EPSTI1: variants seen among roughly 807,000 people sequenced by gnomAD.
EPSTI1 encodes epithelial stromal interaction 1, also known as epithelial-stromal interaction protein 1.
In EPSTI1, 66 loss-of-function variants were observed where a neutral mutation model predicts 49.9. The observed-to-expected ratio is 1.32, with a 90% CI of 1.08 to 1.62. The LOEUF (loss-of-function observed/expected upper bound fraction) is 1.62, where lower values mean the gene tolerates loss of function less well. Ranked by LOEUF, EPSTI1 falls within the 40% of genes most tolerant of loss-of-function variation. EPSTI1 has a pLI of 0.00. For missense variants in EPSTI1, 394 were observed against 365.5 expected (o/e 1.08, Z -0.64); for synonymous variants, 137 against 130.7 (o/e 1.05, Z -0.33).
chr13:42,918,905 A>T (rs563508495), intron 7 of EPSTI1, among the ~76,000 whole-genome samples: 1 of 152,250 alleles, frequency 6.6e-6, no homozygotes, highest in East Asian at 1.9e-4. Context: ...CTTTATCACA[A>T]ATATTCCATA....
intron 10 of EPSTI1, among the ~76,000 whole-genome samples, chr13:42,892,735 A>C (rs1255901987): frequency 6.6e-6 from 1 of 152,204 alleles, no homozygotes; most frequent in Non-Finnish European, 1.5e-5. Flanking sequence ...ATTTCATAAG[A>C]ATGAATGAGT....
chr13:42,920,116 C>A (rs1041737991), intron 7 of EPSTI1, among the ~76,000 whole-genome samples: 3 of 152,108 alleles, frequency 2.0e-5, no homozygotes, highest in Non-Finnish European at 4.4e-5. Context: ...ACTCTAGGAG[C>A]CTCATTTTAA....
At chr13:42,990,102 A>C (rs1283504062) in intron 1 of EPSTI1, among the ~76,000 whole-genome samples, 2 of 151,750 alleles carry the variant, frequency 1.3e-5, no homozygotes, top group African/African-American at 4.8e-5. Context: ...AAGTCATCCC[A>C]ACAGGATCTC....
At chr13:42,918,629 C>T (rs2037905392) in intron 7 of EPSTI1, among the ~76,000 whole-genome samples, 1 of 152,190 alleles carries the variant, frequency 6.6e-6, no homozygotes, top group African/African-American at 2.4e-5. Context: ...ATAAGAACCA[C>T]TTCCCAGAAA....
At chr13:42,978,139 C>T (rs969925190) in intron 1 of EPSTI1, among the ~76,000 whole-genome samples, 5 of 151,066 alleles carry the variant, frequency 3.3e-5, no homozygotes, top group African/African-American at 4.9e-5. Flanking sequence ...GGCCACAGAG[C>T]GAGACTCCAT....
chr13:42,963,150 A>C, intron 5 of EPSTI1, 105 bp downstream of exon 5: 1 of 901,706 alleles, frequency 1.1e-6, no homozygotes, highest in Non-Finnish European at 1.8e-6. Context: ...AAAGAGAGAG[A>C]GAGAGAAAGA....
rs143466397 is a variant in EPSTI1, at chr13:42,926,421, G to A, written c.572C>T (p.Ala191Val). Reference protein sequence around the residue: ...AFREHQQYKTAEFLSKLNTES... With the variant: ...AFREHQQYKTVEFLSKLNTES... ...TGTGTTCAGTTTGCTCAAGAACTCA[G>A]CGGTTTTGCTACCAGAAACACAAAC... Residue 191 changes from alanine to valine, a missense_variant, in exon 7 of 11, where the codon GCT becomes GTT. Transcript: ENST00000313624. 8.1e-6 allele frequency: 13 copies of A among 1,610,378 alleles called. No individual in the cohort carries two copies. In the African/African-American group the frequency reaches 9.4e-5, roughly 12 times the overall value.
At chr13:42,926,484 T>C (rs1566124285) in intron 6 of EPSTI1, 55 bp from the exon 7 acceptor site, 1 of 989,812 alleles carries the variant, frequency 1.0e-6, no homozygotes, top group Non-Finnish European at 1.6e-6. Context: ...AACATAATTC[T>C]TTATTTTTCC....
intron 7 of EPSTI1, among the ~76,000 whole-genome samples, chr13:42,920,392 T>C (rs2037958165): frequency 6.6e-6 from 1 of 151,840 alleles, no homozygotes; most frequent in South Asian, 2.1e-4. Context: ...GAAGACCAAG[T>C]AGATAAAGAA....
At chr13:42,942,023 T>C in intron 6 of EPSTI1, among the ~76,000 whole-genome samples, 1 of 152,194 alleles carries the variant, frequency 6.6e-6, no homozygotes, top group East Asian at 1.9e-4. Context: ...TTTTGTCATA[T>C]GTATTTCAAA....
At chr13:42,930,543 A>G (rs978409514) in intron 6 of EPSTI1, among the ~76,000 whole-genome samples, 8 of 152,260 alleles carry the variant, frequency 5.3e-5, no homozygotes, top group Non-Finnish European at 8.8e-5. Flanking sequence ...CAAGATTTAC[A>G]AAACAAAACA....
In EPSTI1 at chr13:42,888,380, G is replaced by A. The variant is rs767333325; in HGVS notation, c.*114C>T. On this transcript the variant is annotated 3_prime_UTR_variant, in exon 11 of 11. Coordinates refer to ENST00000313624, the MANE Select transcript of EPSTI1 (RefSeq NM_033255.5). ...CCTGACTGCACGGTCAAGTGTGTGG[G>A]CAGTTGAAATTAAGGTAAAAACAGT... 3 of 1,614,112 alleles carry A rather than the reference G, an allele frequency of 1.9e-6. No individual in the cohort carries two copies. The highest frequency in any genetic ancestry group is 1.6e-4 in the Middle Eastern group (1 of 6,062).
At chr13:42,958,792 G>GA (rs11440601) in intron 5 of EPSTI1, among the ~76,000 whole-genome samples, 109,404 of 151,432 alleles carry the variant, frequency 0.72, 40,566 homozygotes, top group Middle Eastern at 0.87. Flanking sequence ...ACAATGCAAA[G>GA]AAAAAAAATG....
intron 10 of EPSTI1, among the ~76,000 whole-genome samples, chr13:42,891,281 A>C (rs1358013820): frequency 2.0e-5 from 3 of 152,196 alleles, no homozygotes; most frequent in Admixed American, 6.5e-5. Flanking sequence ...TAATCAGAAA[A>C]ACTTTCTAGA....
chr13:42,974,992 A>G (rs1004399446), intron 1 of EPSTI1, among the ~76,000 whole-genome samples: 1 of 152,212 alleles, frequency 6.6e-6, no homozygotes, highest in African/African-American at 2.4e-5. Context: ...TAAAGTCTAC[A>G]GTCCTGCAAA....
intron 10 of EPSTI1, among the ~76,000 whole-genome samples, chr13:42,891,183 CTA>C (rs1485267847): frequency 1.3e-5 from 2 of 152,130 alleles, no homozygotes; most frequent in Non-Finnish European, 2.9e-5. Flanking sequence ...GAGTGATAGT[CTA>C]TTTTTTTTCT....
chr13:42,898,793 T>C (rs2037270595), intron 9 of EPSTI1, among the ~76,000 whole-genome samples: 1 of 152,210 alleles, frequency 6.6e-6, no homozygotes, highest in Non-Finnish European at 1.5e-5. Context: ...TTTAAGATGC[T>C]TAAAGTCTTA....
At chr13:42,962,779 CA>C (rs35478687) in intron 5 of EPSTI1, among the ~76,000 whole-genome samples, 2,000 of 144,170 alleles carry the variant, frequency 0.014, 30 homozygotes, top group South Asian at 0.045. Context: ...GACCCCGTCT[CA>C]AAAAAAAAAG....
chr13:42,985,850 A>G lies in EPSTI1; in HGVS notation c.188+6128T>C, dbSNP rs532023726. ...CACTAGCCCAGCTTTGAGCTGTCCA[A>G]TGGACAACCCCAGATTTTCTAGCCC... On this transcript the variant is annotated intron_variant, in intron 1 of 10. Transcript: ENST00000313624. Among the ~76,000 whole-genome samples the G allele has an allele frequency of 2.6e-3, 390 of 152,324 alleles. 2 individuals carry two copies. The highest frequency in any genetic ancestry group is 9.0e-3 in the African/African-American group (373 of 41,568).
Sources: allele counts gnomAD v4.1 joint callset (sites outside exome capture counted in the v4.1 genomes callset), GRCh38; gene constraint gnomAD v4.1.1; transcripts MANE v1.5; gene names NCBI Gene and HGNC (gene_info 2026-07-23, HGNC 2026-07-21).